The following CDH8 variants were observed in gnomAD, a reference collection of about 807,000 sequenced individuals.
The protein encoded by CDH8 is cadherin 8.
Under a neutral mutation model 68.1 loss-of-function variants are expected in CDH8, and 17 were observed. The ratio of observed to expected loss-of-function variants is 0.25; its 90% CI spans 0.17 to 0.37. The LOEUF is 0.37. CDH8 is among the 10% of genes least tolerant of loss of function. The pLI is 1.00. For missense variants in CDH8, 763 were observed against 999.3 expected (o/e 0.76, Z 3.19); for synonymous variants, 372 against 365.1 (o/e 1.02, Z -0.21).
intron 2 of CDH8, among the ~76,000 whole-genome samples, chr16:61,954,714 A>AAG (rs1555524383): frequency 8.6e-5 from 13 of 151,350 alleles, no homozygotes; most frequent in African/African-American, 3.2e-4. Flanking sequence ...AAAAAAAAAA[A>AAG]AAAGAAAGAA....
Position 61,768,369 on chromosome 16 carries a change from C to G in CDH8, c.1414+20977G>C, listed in dbSNP as rs1344866. On this transcript the variant is annotated intron_variant, in intron 8 of 11. Coordinates refer to ENST00000577390, the MANE Select transcript of CDH8 (RefSeq NM_001796.5). ...CTCTCTCTCTCTCTCTCTCTCTCTC[C>G]CTTTCTCTCTCTCTCTCTCTCTCTC... is the stretch of plus-strand genomic sequence containing the variant. Among the ~76,000 whole-genome samples, 25 of 23,546 alleles carry G rather than the reference C, an allele frequency of 1.1e-3. 5 individuals are homozygous for G. In the East Asian group the frequency reaches 0.029, roughly 27 times the overall value. 15.4% of individuals were successfully genotyped at this position (23,546 alleles called of 152,430 possible). A position where few individuals can be genotyped will look rare whatever the true frequency, so the allele number is the denominator to read the frequency against.
At chr16:61,981,263 CACTATT>C (rs1407613433) in intron 2 of CDH8, among the ~76,000 whole-genome samples, 1 of 152,114 alleles carries the variant, frequency 6.6e-6, no homozygotes, top group Admixed American at 6.5e-5. Context: ...GTACTGTGTC[CACTATT>C]ACTATTTTAA....
chr16:61,817,843 G>A, intron 6 of CDH8, 111 bp from the exon 7 acceptor site: 1 of 1,001,944 alleles, frequency 1.0e-6, no homozygotes, highest in Non-Finnish European at 1.4e-6. Flanking sequence ...CCATTTGTGA[G>A]CCTTAATGGG....
At chr16:61,921,680 C>A (rs1456964469) in intron 2 of CDH8, among the ~76,000 whole-genome samples, 1 of 152,104 alleles carries the variant, frequency 6.6e-6, no homozygotes, top group African/African-American at 2.4e-5. Flanking sequence ...TATTAATCAG[C>A]AAAAGAGCCA....
chr16:61,994,863 A>C (rs144145268), intron 2 of CDH8, among the ~76,000 whole-genome samples: 5 of 152,278 alleles, frequency 3.3e-5, no homozygotes, highest in East Asian at 1.9e-4. Flanking sequence ...TTTGCTCTTC[A>C]CGTTAGAATC....
At chr16:61,938,889 G>A (rs1273053333) in intron 2 of CDH8, among the ~76,000 whole-genome samples, 2 of 152,142 alleles carry the variant, frequency 1.3e-5, no homozygotes, top group African/African-American at 4.8e-5. Context: ...GATACTAAAT[G>A]AGATGATATA....
chr16:61,659,775 A>AGG (rs534637581), intron 10 of CDH8, among the ~76,000 whole-genome samples: 1 of 152,128 alleles, frequency 6.6e-6, no homozygotes, highest in Non-Finnish European at 1.5e-5. Flanking sequence ...GATTTTGCCC[A>AGG]GGGGGGTGGA....
intron 10 of CDH8, among the ~76,000 whole-genome samples, chr16:61,711,313 A>T (rs1164397251): frequency 6.6e-6 from 1 of 151,780 alleles, no homozygotes; most frequent in Non-Finnish European, 1.5e-5. Flanking sequence ...GAAAATGCCA[A>T]ATACTGAAAT....
At chr16:61,988,231 G>A (rs937457661) in intron 2 of CDH8, among the ~76,000 whole-genome samples, 1 of 112,762 alleles carries the variant, frequency 8.9e-6, no homozygotes, top group Non-Finnish European at 2.3e-5. Flanking sequence ...AAAACACAAA[G>A]CCTAATGCAG....
Position 61,960,390 on chromosome 16 carries a change from T to C in CDH8, c.253-58917A>G, listed in dbSNP as rs1965130629. 2.4e-5 allele frequency among the ~76,000 whole-genome samples: 3 copies of C among 127,602 alleles called. 1 individual carries two copies. In the South Asian group the frequency reaches 7.5e-4, roughly 32 times the overall value. The allele number at this position is 127,602 out of a possible 152,430, so 83.7% of individuals were successfully genotyped here. A position where few individuals can be genotyped will look rare whatever the true frequency, so the allele number is the denominator to read the frequency against. The stretch of plus-strand genomic sequence containing the variant: ...ATACATATATACATGTGTGTGTGTA[T>C]ACACATACATATATACATATATGTG... On this transcript the variant is annotated intron_variant, in intron 2 of 11. Coordinates refer to ENST00000577390, the MANE Select transcript of CDH8 (RefSeq NM_001796.5).
chr16:61,727,350 T>C, intron 8 of CDH8, 135 bp from the exon 9 acceptor site: 6 of 833,496 alleles, frequency 7.2e-6, no homozygotes, highest in Non-Finnish European at 7.4e-6. Flanking sequence ...GATTATAGAG[T>C]CTGACCAAAT....
intron 3 of CDH8, among the ~76,000 whole-genome samples, chr16:61,890,341 G>A (rs1206765109): frequency 2.0e-5 from 3 of 150,680 alleles, no homozygotes; most frequent in African/African-American, 7.4e-5. Context: ...GGAGCTATTG[G>A]TTAATGGGTA....
chr16:61,901,586 T>C (rs1241494094), intron 2 of CDH8, 113 bp from the exon 3 acceptor site: 5 of 683,726 alleles, frequency 7.3e-6, no homozygotes, highest in Admixed American at 5.6e-5. Flanking sequence ...CATCAATTTC[T>C]GCTAATAGTA....
intron 2 of CDH8, among the ~76,000 whole-genome samples, chr16:61,902,576 CA>C (rs74868190): frequency 0.039 from 3,616 of 93,050 alleles, 217 homozygotes; most frequent in East Asian, 0.32. Flanking sequence ...ATATTTGTTC[CA>C]AAAAAAAAAA....
chr16:62,030,004 C>T lies in CDH8; in HGVS notation c.-200+6076G>A, dbSNP rs376337219. 5.3e-5 allele frequency among the ~76,000 whole-genome samples: 8 copies of T among 152,274 alleles called. No homozygotes were observed. In the East Asian group the frequency reaches 1.4e-3, roughly 26 times the overall value. On this transcript the variant is annotated intron_variant, in intron 1 of 11. Transcript: ENST00000577390. ...CTGAAATTGAAATGCAGCCAACGAT[C>T]CTAGTATAAGTCATCCAGATTCTGC...
intron 10 of CDH8, among the ~76,000 whole-genome samples, chr16:61,659,673 C>T (rs1285045457): frequency 6.6e-6 from 1 of 151,970 alleles, no homozygotes; most frequent in South Asian, 2.1e-4. Context: ...GCTATTTTTT[C>T]CCCCAGCATC....
chr16:61,892,005 C>T (rs1239222097), intron 3 of CDH8, among the ~76,000 whole-genome samples: 1 of 152,126 alleles, frequency 6.6e-6, no homozygotes, highest in Non-Finnish European at 1.5e-5. Context: ...TCAGTATGTA[C>T]ATCCTTTGAT....
chr16:61,756,894 C>T (rs1481198872), intron 8 of CDH8, among the ~76,000 whole-genome samples: 3 of 152,138 alleles, frequency 2.0e-5, no homozygotes, highest in East Asian at 3.9e-4. Context: ...TACTGCTGAA[C>T]GAATCCTAAT....
intron 2 of CDH8, among the ~76,000 whole-genome samples, chr16:61,915,973 T>G (rs1964232448): frequency 6.6e-6 from 1 of 152,174 alleles, no homozygotes; most frequent in Admixed American, 6.5e-5. Context: ...AAATACTGAT[T>G]TCAGTGATCA....
Sources: gnomAD v4.1 joint callset for allele counts (sites outside exome capture counted in the v4.1 genomes callset) on GRCh38, gnomAD v4.1.1 for gene constraint, MANE v1.5 for transcripts, NCBI Gene and HGNC (gene_info 2026-07-23, HGNC 2026-07-21) for gene names.